The following PLAAT3 variants were observed in gnomAD, a reference collection of about 807,000 sequenced individuals.
The protein encoded by PLAAT3 is phospholipase A and acyltransferase 3.
PLAAT3 carries 21 observed loss-of-function variants against 16.7 expected under a neutral mutation model. The ratio of observed to expected loss-of-function variants is 1.26; its 90% CI spans 0.89 to 1.81. PLAAT3 has a LOEUF of 1.81. Among genes scored for constraint, PLAAT3 ranks in the 40% most tolerant of loss-of-function variants. PLAAT3 has a pLI of 0.00. For missense variants in PLAAT3, 219 were observed against 213.7 expected (o/e 1.02, Z -0.16); for synonymous variants, 76 against 81.7 (o/e 0.93, Z 0.38).
intron 2 of PLAAT3, among the ~76,000 whole-genome samples, chr11:63,599,022 T>C (rs1429552226): frequency 6.6e-6 from 1 of 152,076 alleles, no homozygotes; most frequent in Non-Finnish European, 1.5e-5. Context: ...CAAGATCCCA[T>C]CCATTCAACA....
chr11:63,602,759 T>C (rs999754370), intron 2 of PLAAT3, among the ~76,000 whole-genome samples: 1 of 152,168 alleles, frequency 6.6e-6, no homozygotes, highest in African/African-American at 2.4e-5. Flanking sequence ...CAGGGTTGAA[T>C]AGTTGTGACA....
At chr11:63,612,962 C>G (rs945432223) in intron 2 of PLAAT3, among the ~76,000 whole-genome samples, 1 of 152,166 alleles carries the variant, frequency 6.6e-6, no homozygotes, top group African/African-American at 2.4e-5. Flanking sequence ...TAAAAAGTGA[C>G]CACTCCAGGT....
rs188569322 is a variant in PLAAT3 at position 63,590,096 on chromosome 11, G to A, written c.387+4C>T. 204 of 1,611,440 alleles carry A rather than the reference G, an allele frequency of 1.3e-4. No homozygotes were observed. The African/African-American group carries it at 1.6e-3, about 12-fold the overall frequency. ...GGGGAAGGCGACACAGGCAGAGGAC[G>A]CACCTGGTCACTGCGGGCGACTCCA... is the stretch of plus-strand genomic sequence containing the variant. On this transcript the variant is annotated splice_donor_region_variant and intron_variant, in intron 4 of 4. Transcript: ENST00000415826.
intron 2 of PLAAT3, chr11:63,598,793 C>CA: frequency 2.0e-6 from 1 of 490,370 alleles, no homozygotes; most frequent in South Asian, 1.5e-5. Flanking sequence ...GAACTGGCAT[C>CA]AGTCTCCAGC....
intron 2 of PLAAT3, among the ~76,000 whole-genome samples, chr11:63,605,466 T>C (rs1413272007): frequency 6.6e-6 from 1 of 152,218 alleles, no homozygotes; most frequent in Non-Finnish European, 1.5e-5. Context: ...ACACAGATTG[T>C]GCAATTATGT....
At chr11:63,606,314 G>A (rs951013982) in intron 2 of PLAAT3, among the ~76,000 whole-genome samples, 1 of 152,180 alleles carries the variant, frequency 6.6e-6, no homozygotes, top group Admixed American at 6.5e-5. Context: ...AGGCCGGCGC[G>A]GTGGCTCACG....
upstream of PLAAT3, among the ~76,000 whole-genome samples, chr11:63,614,767 G>C (rs995177985): frequency 2.0e-5 from 3 of 151,758 alleles, no homozygotes; most frequent in African/African-American, 7.3e-5. Context: ...TGTAATCTCA[G>C]CACTTTGGGA....
At chr11:63,605,403 C>T (rs949559182) in intron 2 of PLAAT3, among the ~76,000 whole-genome samples, 1 of 151,858 alleles carries the variant, frequency 6.6e-6, no homozygotes, top group Non-Finnish European at 1.5e-5. Context: ...TCTCAAAAAA[C>T]AAAACAAAAC....
chr11:63,589,967 T>A, intron 4 of PLAAT3, 133 bp downstream of exon 4: 191 of 607,504 alleles, frequency 3.1e-4, no homozygotes, highest in Middle Eastern at 6.5e-4. Context: ...TTGTCCCAAC[T>A]GTGACATCCT....
intron 4 of PLAAT3, among the ~76,000 whole-genome samples, chr11:63,584,267 T>C (rs1937900867): frequency 6.6e-6 from 1 of 151,330 alleles, no homozygotes; most frequent in Non-Finnish European, 1.5e-5. Context: ...CTAGACTTCA[T>C]TGTGAGTATA....
In PLAAT3 at chr11:63,613,714, C is replaced by T. The variant is rs1234744007; in HGVS notation, c.15+286G>A. Among the ~76,000 whole-genome samples, 15 of 44,158 alleles carry T rather than the reference C, an allele frequency of 3.4e-4. No individual in the cohort carries two copies. In the Admixed American group the frequency reaches 5.2e-3, roughly 15 times the overall value. 29.0% of individuals were successfully genotyped at this position (44,158 alleles called of 152,430 possible). On this transcript the variant is annotated intron_variant, in intron 2 of 4. Coordinates refer to ENST00000415826, the MANE Select transcript of PLAAT3 (RefSeq NM_001128203.2). ...TCCGGAGGGCAGCGCCAGATTTCTG[C>T]GGACAGACCTGCCCTGGCCACCTCC...
intron 3 of PLAAT3, among the ~76,000 whole-genome samples, chr11:63,593,776 C>T (rs1376985020): frequency 3.3e-5 from 5 of 152,152 alleles, no homozygotes; most frequent in South Asian, 4.1e-4. Context: ...GACGGGGTTT[C>T]GCCATGTTGG....
intron 4 of PLAAT3, among the ~76,000 whole-genome samples, chr11:63,588,011 C>G (rs1367610545): frequency 6.6e-6 from 1 of 151,926 alleles, no homozygotes; most frequent in East Asian, 1.9e-4. Context: ...CTCAGGAGTT[C>G]AAGACCAGCC....
At chr11:63,592,641 T>C (rs1938181959) in intron 3 of PLAAT3, among the ~76,000 whole-genome samples, 1 of 152,210 alleles carries the variant, frequency 6.6e-6, no homozygotes, top group Non-Finnish European at 1.5e-5. Flanking sequence ...TCAGACTGCC[T>C]GGGTTTGGGT....
At chr11:63,604,187 A>G (rs1938501333) in intron 2 of PLAAT3, among the ~76,000 whole-genome samples, 2 of 152,202 alleles carry the variant, frequency 1.3e-5, no homozygotes, top group South Asian at 4.1e-4. Context: ...AAAACGTATT[A>G]TACACTACAT....
At chr11:63,590,049 C>T in intron 4 of PLAAT3, 51 bp downstream of exon 4, 1 of 1,577,316 alleles carries the variant, frequency 6.3e-7, no homozygotes, top group Non-Finnish European at 8.7e-7. Flanking sequence ...CCTCCGTCAG[C>T]AGAGGGAATG....
chr11:63,581,518 G>C (rs1353437191), intron 4 of PLAAT3, among the ~76,000 whole-genome samples: 1 of 152,144 alleles, frequency 6.6e-6, no homozygotes, highest in Non-Finnish European at 1.5e-5. Context: ...AGTCAGACTG[G>C]TTGTCTGCTC....
intron 4 of PLAAT3, among the ~76,000 whole-genome samples, chr11:63,584,508 G>GTTTTT (rs59460211): frequency 7.1e-6 from 1 of 140,242 alleles, no homozygotes; most frequent in Non-Finnish European, 1.5e-5. Context: ...TTTTTTTTTT[G>GTTTTT]TTTTTTTTTG....
chr11:63,574,762 C>T lies in PLAAT3; in HGVS notation c.*183G>A, dbSNP rs1455663126. 5.1e-6 allele frequency: 3 copies of T among 592,750 alleles called. No homozygotes were observed. The highest frequency in any genetic ancestry group is 5.6e-5 in the East Asian group (2 of 35,482). The allele number at this position is 592,750 out of a possible 1,614,324, so 36.7% of individuals were successfully genotyped here. ...CCGGCTGTTCCCTGAACAGACTTCA[C>T]ACCAGGCAGTTCTTGCTGCACTTCC... On this transcript the variant is annotated 3_prime_UTR_variant, in exon 5 of 5. Transcript: ENST00000415826.
Sources: gnomAD v4.1 joint callset for allele counts (sites outside exome capture counted in the v4.1 genomes callset) on GRCh38, gnomAD v4.1.1 for gene constraint, MANE v1.5 for transcripts, NCBI Gene and HGNC (gene_info 2026-07-23, HGNC 2026-07-21) for gene names.